The following MEGF8 variants were observed in gnomAD, a reference collection of about 807,000 sequenced individuals.
The protein encoded by MEGF8 is multiple EGF like domains 8, also known as multiple epidermal growth factor-like domains protein 8.
A neutral mutation model predicts 302.9 loss-of-function variants in MEGF8; 156 were observed. The observed-to-expected ratio is 0.52, with a 90% CI of 0.45 to 0.59. The LOEUF (loss-of-function observed/expected upper bound fraction) is 0.59, where lower values mean the gene tolerates loss of function less well. Ranked by LOEUF, MEGF8 falls within the 20% of genes least tolerant of loss-of-function variation. The probability of loss-of-function intolerance (pLI) is 0.00; values close to 1 mark genes in which losing one functional copy is unlikely to be tolerated. For synonymous variants in MEGF8, 1,621 were observed against 1,660.5 expected, an observed-to-expected ratio of 0.98 and a Z score of 0.58; for missense variants, 3,345 against 3,964.5, an observed-to-expected ratio of 0.84 and a Z score of 4.20.
Position 42,375,374 on chromosome 19 carries a change from C to A in MEGF8, c.7270-133C>A. ...GGTCCGGGGGGTCACAGGGAAGTGACTGGGGCAGTGGGGGTGAGGCCCAGG... is the reference window on the plus strand; with the variant it reads ...GGTCCGGGGGGTCACAGGGAAGTGAATGGGGCAGTGGGGGTGAGGCCCAGG... On this transcript the variant is annotated intron_variant, in intron 41 of 41. Transcript: ENST00000251268. The surrounding 1 kb of genome is among the most constrained non-coding windows in gnomAD (Gnocchi z 7.1). 1.1e-6 allele frequency: 1 copy of A among 934,288 alleles called. No individual in the cohort carries two copies. Among genetic ancestry groups the A allele is most frequent in the Non-Finnish European group, 1.6e-6 (1 of 640,622 alleles). 57.9% of individuals were successfully genotyped at this position (934,288 alleles called of 1,614,324 possible).
In MEGF8 at chr19:42,358,898, G is replaced by T. The variant is rs751766816; in HGVS notation, c.5287G>T (p.Ala1763Ser). Residue 1763 changes from alanine to serine, a missense_variant, in exon 30 of 42, where the codon GCT (alanine) becomes TCT (serine). Ala to Ser is a moderately conservative substitution (Grantham distance 99, BLOSUM62 1). Coordinates refer to ENST00000251268, the MANE Select transcript of MEGF8 (RefSeq NM_001271938.2). The surrounding 1 kb of genome is among the most constrained non-coding windows in gnomAD (Gnocchi z 4.4). ...REVRKKMALW[A>S]ALAGTGGFLE... ...AGTCAGGAAGAAGATGGCTCTGTGG[G>T]CTGCTCTTGCTGGTACAGGAGGTTT... The T allele has an allele frequency of 1.9e-6, 3 of 1,611,658 alleles. No individual in the cohort carries two copies. In the Admixed American group the frequency reaches 5.0e-5, roughly 27 times the overall value.
intron 12 of MEGF8, among the ~76,000 whole-genome samples, chr19:42,345,770 TTGTTTGAACATC>T (rs2039280631): frequency 1.3e-5 from 2 of 152,264 alleles, no homozygotes; most frequent in African/African-American, 4.8e-5. Context: ...GTACACGTTT[TTGTTTGAACATC>T]TGTTTTCAAT....
At position 42,375,886 on chromosome 19, in the gene MEGF8, G is replaced by A. The variant is rs754611814; in HGVS notation, c.7649G>A (p.Gly2550Glu). The change falls in exon 42 of 42, where the codon GGA becomes GAA. Residue 2550 changes from glycine (G) to glutamate (E), a missense_variant. Transcript: ENST00000251268. The surrounding 1 kb of genome is among the most constrained non-coding windows in gnomAD (Gnocchi z 7.1). ...DGGPRGAGDP[G>E]GAGASSGPGA... is the part of the protein sequence containing the mutation. Reference sequence around the variant, plus strand: ...GGGCCCCGGGGGGCTGGGGATCCAGGAGGAGCAGGGGCCAGCAGTGGGCCG... The same window carrying A: ...GGGCCCCGGGGGGCTGGGGATCCAGAAGGAGCAGGGGCCAGCAGTGGGCCG... 2 of 1,605,146 alleles carry A rather than the reference G, an allele frequency of 1.2e-6. No individual in the cohort carries two copies. The highest frequency in any genetic ancestry group is 2.2e-5 in the South Asian group (2 of 90,150).
In MEGF8 at chr19:42,336,984, C is replaced by T; in HGVS notation, c.1390+32C>T. On this transcript the variant is annotated intron_variant, in intron 7 of 41. Transcript: ENST00000251268. This position sits in a 1 kb window ranked among gnomAD's most constrained non-coding sequence, Gnocchi z 4.8. ...AGGCTCCCCAATCCTGCCTGCCTGC[C>T]TGCTGAGGGCCTGAGCCAACCCTGA... 1 of 1,613,638 alleles carries T rather than the reference C, an allele frequency of 6.2e-7. No individual in the cohort carries two copies. Among genetic ancestry groups the T allele is most frequent in the African/African-American group, 1.3e-5 (1 of 75,054 alleles).
rs1239139047 is a variant in MEGF8, at chr19:42,370,828, C to A, written c.7133C>A (p.Thr2378Asn). Reference protein sequence around the residue: ...QGYFLLDGKCTKCQCNGHADT... With the variant: ...QGYFLLDGKCNKCQCNGHADT... Reference sequence around the variant, plus strand: ...TACTTCCTCCTGGACGGGAAGTGCACCAAGTAAGAGGAACCGGGGGGGGGG... The same window carrying A: ...TACTTCCTCCTGGACGGGAAGTGCAACAAGTAAGAGGAACCGGGGGGGGGG... The change falls in exon 40 of 42, where the codon ACC (threonine) becomes AAC (asparagine). Residue 2378 changes from threonine (T) to asparagine (N), a missense_variant. Transcript: ENST00000251268. 4.7e-6 allele frequency: 3 copies of A among 642,044 alleles called. No homozygotes were observed. The highest frequency in any genetic ancestry group is 5.2e-5 in the Admixed American group (2 of 38,248). The allele number at this position is 642,044 out of a possible 1,614,324, so 39.8% of individuals were successfully genotyped here. A position where few individuals can be genotyped will look rare whatever the true frequency, so the allele number is the denominator to read the frequency against.
Position 42,352,415 on chromosome 19 carries a change from G to T in MEGF8, c.3309G>T (p.Gln1103His), listed in dbSNP as rs942040487. Residue 1103 changes from glutamine (Q) to histidine (H), a missense_variant, in exon 19 of 42, where the codon CAG (glutamine) becomes CAT (histidine). Transcript: ENST00000251268. This position sits in a 1 kb window ranked among gnomAD's most constrained non-coding sequence, Gnocchi z 4.4. ...NTPLSYECHC[Q>H]RGYQGDGISH... ...CCCTCAGCTACGAGTGTCACTGCCAGCGGGGCTACCAGGGTGATGGCATCT... is the reference window on the plus strand; with the variant it reads ...CCCTCAGCTACGAGTGTCACTGCCATCGGGGCTACCAGGGTGATGGCATCT... 9 of 1,599,536 alleles carry T rather than the reference G, an allele frequency of 5.6e-6. No individual in the cohort carries two copies. The African/African-American group carries it at 1.2e-4, about 21-fold the overall frequency.
rs1184751647 is a variant in MEGF8, at chr19:42,376,266, G to A, written c.8029G>A (p.Asp2677Asn). The part of the protein sequence containing the change: ...VLLWKAKQAL[D>N]QRQEQRRHLQ... Reference sequence around the variant, plus strand: ...CCTCTGGAAGGCCAAGCAGGCTCTGGACCAGCGGCAGGAGCAGCGCCGGCA... The same window carrying A: ...CCTCTGGAAGGCCAAGCAGGCTCTGAACCAGCGGCAGGAGCAGCGCCGGCA... The change falls in exon 42 of 42, where the codon GAC becomes AAC. Residue 2677 changes from aspartate to asparagine, a missense_variant. Physicochemically the swap from Asp to Asn is conservative, Grantham distance 23. Transcript: ENST00000251268. This position sits in a 1 kb window ranked among gnomAD's most constrained non-coding sequence, Gnocchi z 8.2. 17 of 1,611,520 alleles carry A rather than the reference G, an allele frequency of 1.1e-5. No individual in the cohort carries two copies. Among genetic ancestry groups the A allele is most frequent in the Non-Finnish European group, 1.3e-5 (15 of 1,178,992 alleles).
chr19:42,334,003 G>C lies in MEGF8; in HGVS notation c.352-4G>C. On this transcript the variant is annotated splice_polypyrimidine_tract_variant and splice_region_variant and intron_variant, in intron 2 of 41. Coordinates refer to ENST00000251268, the MANE Select transcript of MEGF8 (RefSeq NM_001271938.2). ...ACCTTACCCAGCACACCTTGTGCCC[G>C]CAGATGCTGCTGCACCTCTTCAGTG... The C allele has an allele frequency of 1.2e-6, 2 of 1,612,070 alleles. No individual in the cohort carries two copies. Among genetic ancestry groups the C allele is most frequent in the Non-Finnish European group, 1.7e-6 (2 of 1,179,136 alleles).
At position 42,344,232 on chromosome 19, in the gene MEGF8, C is replaced by T. The variant is rs1299650352; in HGVS notation, c.1788+159C>T. On this transcript the variant is annotated intron_variant, in intron 10 of 41. Coordinates refer to ENST00000251268, the MANE Select transcript of MEGF8 (RefSeq NM_001271938.2). This position sits in a 1 kb window ranked among gnomAD's most constrained non-coding sequence, Gnocchi z 4.5. ...GATTCCTGACTGCGGAGCCCTGAAC[C>T]TTTGCCTATCCCACCCAGCCCGACC... is the stretch of plus-strand genomic sequence containing the variant. Among the ~76,000 whole-genome samples the T allele has an allele frequency of 6.6e-6, 1 of 152,194 alleles. No homozygotes were observed. The highest frequency in any genetic ancestry group is 2.4e-5 in the African/African-American group (1 of 41,442).
At position 42,375,871 on chromosome 19, in the gene MEGF8, G is replaced by A. The variant is rs2039760818; in HGVS notation, c.7634G>A (p.Gly2545Glu). Residue 2545 changes from glycine (G) to glutamate (E), a missense_variant, in exon 42 of 42, where the codon GGG becomes GAG. By Grantham distance (98) the Gly-to-Glu change is moderately conservative (BLOSUM62 -2). Transcript: ENST00000251268. The surrounding 1 kb of genome is among the most constrained non-coding windows in gnomAD (Gnocchi z 7.1). ...CCCCCTGCAGATGGTGGGCCCCGGG[G>A]GGCTGGGGATCCAGGAGGAGCAGGG... ...PPPPADGGPR[G>E]AGDPGGAGAS... 3 of 1,606,882 alleles carry A rather than the reference G, an allele frequency of 1.9e-6. No individual in the cohort carries two copies. Among genetic ancestry groups the A allele is most frequent in the Non-Finnish European group, 2.5e-6 (3 of 1,176,768 alleles).
In MEGF8 at chr19:42,369,559, G is replaced by A. The variant is rs767906925; in HGVS notation, c.6670G>A (p.Ala2224Thr). ...GACAGGGCTGTGCCGCCCTGTGTGC[G>A]CCCAGGGCTGCGTGAACGGCTCATG... ...NMTGLCRPVC[A>T]QGCVNGSCVE... The change falls in exon 38 of 42, where the codon GCC becomes ACC. Residue 2224 changes from alanine to threonine, a missense_variant. Ala to Thr is a moderately conservative substitution (Grantham distance 58). Coordinates refer to ENST00000251268, the MANE Select transcript of MEGF8 (RefSeq NM_001271938.2). The surrounding 1 kb of genome is among the most constrained non-coding windows in gnomAD (Gnocchi z 5.7). 52 of 1,610,480 alleles carry A rather than the reference G, an allele frequency of 3.2e-5. No homozygotes were observed. Among genetic ancestry groups the A allele is most frequent in the South Asian group, 5.5e-5 (5 of 90,998 alleles).
rs777702960 is a variant in MEGF8 at position 42,351,569 on chromosome 19, C to T, written c.2987+9C>T. ...CGAGGCTGGGACGACAGGTATGGTC[C>T]CTGGGGCAGGGCTAACAGAGGAAGA... On this transcript the variant is annotated intron_variant, in intron 17 of 41. Transcript: ENST00000251268. The surrounding 1 kb of genome is among the most constrained non-coding windows in gnomAD (Gnocchi z 5.6). 6.2e-7 allele frequency: 1 copy of T among 1,607,640 alleles called. No individual in the cohort carries two copies. The highest frequency in any genetic ancestry group is 8.5e-7 in the Non-Finnish European group (1 of 1,177,356).
Position 42,355,880 on chromosome 19 carries a change from C to T in MEGF8, c.4267C>T (p.Pro1423Ser). The change falls in exon 24 of 42, where the codon CCC becomes TCC. Residue 1423 changes from proline to serine, a missense_variant. Pro to Ser is a moderately conservative substitution (Grantham distance 74, BLOSUM62 -1). Coordinates refer to ENST00000251268, the MANE Select transcript of MEGF8 (RefSeq NM_001271938.2). ...CTGTCCCGTCCCCCAGGAATGCGTG[C>T]CCCAGGACGGTGCTGCAGGTGCGGG... ...GSCPVPQECV[P>S]QDGAAGAGLC... 2 of 1,577,104 alleles carry T rather than the reference C, an allele frequency of 1.3e-6. No homozygotes were observed. Among genetic ancestry groups the T allele is most frequent in the South Asian group, 2.3e-5 (2 of 86,510 alleles).
At position 42,356,425 on chromosome 19, in the gene MEGF8, C is replaced by T. The variant is rs762873102; in HGVS notation, c.4594C>T (p.Pro1532Ser). 1.7e-5 allele frequency: 28 copies of T among 1,607,818 alleles called. No individual in the cohort carries two copies. The highest frequency in any genetic ancestry group is 2.7e-5 in the African/African-American group (2 of 74,710). ...TLWMFGGLGL[P>S]QGLLGNLYRY... ...GTGGATGTTTGGGGGCCTGGGCCTG[C>T]CCCAGGGGCTGCTGGGAAACCTGTA... Residue 1532 changes from proline (P) to serine (S), a missense_variant, in exon 26 of 42, where the codon CCC becomes TCC. Pro to Ser is a moderately conservative substitution (Grantham distance 74). Transcript: ENST00000251268. The surrounding 1 kb of genome is among the most constrained non-coding windows in gnomAD (Gnocchi z 5.2).
Position 42,363,224 on chromosome 19 carries a change from G to T in MEGF8, c.6235G>T (p.Gly2079Cys). 6.2e-7 allele frequency: 1 copy of T among 1,609,318 alleles called. No homozygotes were observed. The highest frequency in any genetic ancestry group is 8.5e-7 in the Non-Finnish European group (1 of 1,178,030). ...SCLDSKGADG[G>C]WQHCVWSSSL... ...CCTGGACTCTAAGGGAGCAGATGGG[G>T]GCTGGCAGCACTGTGTTTGGAGCAG... is the stretch of plus-strand genomic sequence containing the variant. Residue 2079 changes from glycine (G) to cysteine (C), a missense_variant, in exon 35 of 42, where the codon GGC becomes TGC. Coordinates refer to ENST00000251268, the MANE Select transcript of MEGF8 (RefSeq NM_001271938.2).
rs772235344 is a variant in MEGF8 at position 42,356,042 on chromosome 19, C to T, written c.4392+37C>T. 5.6e-6 allele frequency: 9 copies of T among 1,601,438 alleles called. No individual in the cohort carries two copies. The highest frequency in any genetic ancestry group is 2.2e-5 in the East Asian group (1 of 44,626). On this transcript the variant is annotated intron_variant, in intron 24 of 41. Coordinates refer to ENST00000251268, the MANE Select transcript of MEGF8 (RefSeq NM_001271938.2). The surrounding 1 kb of genome is among the most constrained non-coding windows in gnomAD (Gnocchi z 5.2). ...AGAGGGCAAGTCTGGTGGGACAGGG[C>T]TGGTGATCAGGGCTCCCCTGAGTCC...
intron 35 of MEGF8, among the ~76,000 whole-genome samples, chr19:42,363,757 A>C (rs1300724575): frequency 6.6e-6 from 1 of 152,014 alleles, no homozygotes; most frequent in African/African-American, 2.4e-5. Flanking sequence ...TGTTATAAGG[A>C]AGTGTGGGTA....
intron 12 of MEGF8, 132 bp from the exon 13 acceptor site, chr19:42,348,140 C>G: frequency 1.2e-6 from 1 of 829,082 alleles, no homozygotes; most frequent in Non-Finnish European, 1.8e-6. Flanking sequence ...CCACCTAACC[C>G]CTGTCCCTCT....
chr19:42,376,417 G>T lies in MEGF8; in HGVS notation c.8180G>T (p.Arg2727Leu), dbSNP rs759523264. 3.1e-6 allele frequency: 5 copies of T among 1,612,470 alleles called. No individual in the cohort carries two copies. Among genetic ancestry groups the T allele is most frequent in the Non-Finnish European group, 4.2e-6 (5 of 1,179,614 alleles). Residue 2727 changes from arginine (R) to leucine (L), a missense_variant, in exon 42 of 42, where the codon CGC (arginine) becomes CTC (leucine). Physicochemically the swap from Arg to Leu is moderately radical, Grantham distance 102 (BLOSUM62 -2). Coordinates refer to ENST00000251268, the MANE Select transcript of MEGF8 (RefSeq NM_001271938.2). This position sits in a 1 kb window ranked among gnomAD's most constrained non-coding sequence, Gnocchi z 8.2. ...GGGCTCCCACCTCCCGCCTTCCGCC[G>T]CTCTGAGCCCTTCCTGGCACCCCTG... The part of the protein sequence containing the change: ...PAGLPPPAFR[R>L]SEPFLAPLLL...
Sources: gnomAD v4.1 joint callset for allele counts (sites outside exome capture counted in the v4.1 genomes callset) on GRCh38, gnomAD v4.1.1 for gene constraint, Gnocchi (gnomAD v3.1) non-coding constraint, MANE v1.5 for transcripts, NCBI Gene and HGNC (gene_info 2026-07-23, HGNC 2026-07-21) for gene names.